Variants in CEP128 observed in about 807,000 individuals in gnomAD.
CEP128 encodes centrosomal protein 128kDa.
CEP128 carries 132 observed loss-of-function variants against 156.7 expected under a neutral mutation model. That is an observed-to-expected ratio of 0.84 (90% confidence interval 0.73 to 0.97). CEP128 has a LOEUF of 0.97. Among genes scored for constraint, CEP128 ranks in the 50% least tolerant of loss-of-function variants. The pLI is 0.00. For missense variants in CEP128, 1,252 were observed against 1,281.9 expected, an observed-to-expected ratio of 0.98 and a Z score of 0.36; for synonymous variants, 469 against 448.9, an observed-to-expected ratio of 1.04 and a Z score of -0.57.
At chr14:80,486,499 GA>G (rs1887168623), downstream of CEP128, among the ~76,000 whole-genome samples, 1 of 151,680 alleles carries the variant, frequency 6.6e-6, no homozygotes, top group Non-Finnish European at 1.5e-5. Flanking sequence ...CCAACATTCA[GA>G]TTCAGGAAAT....
chr14:80,562,661 T>TC (rs1448432727), intron 20 of CEP128, among the ~76,000 whole-genome samples: 7 of 145,356 alleles, frequency 4.8e-5, no homozygotes, highest in Non-Finnish European at 1.1e-4. Context: ...TTTTCTTTTT[T>TC]TTTTTTTTTT....
downstream of CEP128, among the ~76,000 whole-genome samples, chr14:80,495,278 T>A (rs924009777): frequency 6.6e-6 from 1 of 152,148 alleles, no homozygotes; most frequent in Non-Finnish European, 1.5e-5. Context: ...ATCAAGCTAT[T>A]AATGTTTCCT....
chr14:80,954,281 A>AG (rs1008434271), intron 2 of CEP128, among the ~76,000 whole-genome samples: 3 of 152,134 alleles, frequency 2.0e-5, no homozygotes, highest in African/African-American at 7.2e-5. Flanking sequence ...AAAGAAAAAA[A>AG]AAAAGAAAAG....
chr14:80,771,509 A>G (rs1900508435), intron 16 of CEP128, among the ~76,000 whole-genome samples: 1 of 152,220 alleles, frequency 6.6e-6, no homozygotes, highest in Non-Finnish European at 1.5e-5. Flanking sequence ...TTTATCCAAC[A>G]TAATGACAGC....
intron 8 of CEP128, among the ~76,000 whole-genome samples, chr14:80,880,592 T>C (rs1473351922): frequency 6.6e-6 from 1 of 151,680 alleles, no homozygotes; most frequent in Non-Finnish European, 1.5e-5. Flanking sequence ...ACAAAAAAAC[T>C]ATTAAAAATA....
chr14:80,955,640 G>T (rs773554052), intron 2 of CEP128: 62 of 1,611,910 alleles, frequency 3.8e-5, no homozygotes, highest in Admixed American at 6.7e-5. Flanking sequence ...AGAATGAGGC[G>T]ATTTCGGAGG....
In CEP128 at chr14:80,768,235, C is replaced by T. The variant is rs139271737; in HGVS notation, c.2377-6622G>A. 4.1e-4 allele frequency among the ~76,000 whole-genome samples: 62 copies of T among 152,276 alleles called. No homozygotes were observed. The East Asian group carries it at 0.011, about 28-fold the overall frequency. Reference sequence around the variant, plus strand: ...AATTATTTAATTCATTGAGGACAATCACCTTGTCAGTGGCGAGGCTATTGT... The same window carrying T: ...AATTATTTAATTCATTGAGGACAATTACCTTGTCAGTGGCGAGGCTATTGT... On this transcript the variant is annotated intron_variant, in intron 16 of 24. Coordinates refer to ENST00000555265, the MANE Select transcript of CEP128 (RefSeq NM_152446.5).
chr14:80,537,669 C>CA (rs756685458), intron 21 of CEP128, among the ~76,000 whole-genome samples: 25 of 151,958 alleles, frequency 1.6e-4, no homozygotes, highest in East Asian at 5.8e-4. Flanking sequence ...AGAGCGTTTG[C>CA]AAAAAAACAA....
chr14:80,508,894 G>A (rs1203359800), intron 23 of CEP128, among the ~76,000 whole-genome samples: 2 of 152,140 alleles, frequency 1.3e-5, no homozygotes, highest in African/African-American at 4.8e-5. Flanking sequence ...AAGAACTACT[G>A]GAGACTGGGT....
chr14:80,934,631 G>A (rs142526708), intron 2 of CEP128, among the ~76,000 whole-genome samples: 36 of 152,198 alleles, frequency 2.4e-4, no homozygotes, highest in African/African-American at 7.0e-4. Flanking sequence ...CTGAGTGTCC[G>A]GCACATTCAA....
intron 19 of CEP128, among the ~76,000 whole-genome samples, chr14:80,727,485 G>A (rs2630271): frequency 0.51 from 77,541 of 151,746 alleles, 20,110 homozygotes; most frequent in East Asian, 0.72. Flanking sequence ...ATTACATGAG[G>A]AAGTCTCCAA....
chr14:80,699,681 C>T (rs1227971607), intron 19 of CEP128, among the ~76,000 whole-genome samples: 3 of 152,236 alleles, frequency 2.0e-5, no homozygotes, highest in South Asian at 2.1e-4. Flanking sequence ...CCTGAACAAA[C>T]GTTTATTTCT....
At chr14:80,876,611 A>T (rs568761974) in intron 8 of CEP128, among the ~76,000 whole-genome samples, 63 of 151,524 alleles carry the variant, frequency 4.2e-4, no homozygotes, top group African/African-American at 1.5e-3. Flanking sequence ...AAAAAAAAAA[A>T]GCATCAATAA....
chr14:80,823,354 G>A (rs186711028), intron 13 of CEP128, among the ~76,000 whole-genome samples: 8 of 152,250 alleles, frequency 5.3e-5, no homozygotes, highest in Middle Eastern at 3.4e-3. Context: ...AGTCAGGGTC[G>A]GCTTGTGAAA....
At chr14:80,738,375 A>C (rs1008371875) in intron 19 of CEP128, among the ~76,000 whole-genome samples, 2 of 152,216 alleles carry the variant, frequency 1.3e-5, no homozygotes, top group African/African-American at 4.8e-5. Context: ...AAGCAGAAAA[A>C]CCAGCTGAAA....
At chr14:80,652,560 C>T (rs141302513) in intron 19 of CEP128, among the ~76,000 whole-genome samples, 8,069 of 152,092 alleles carry the variant, frequency 0.053, 683 homozygotes, top group African/African-American at 0.18. Flanking sequence ...CAAAAGAAGA[C>T]GTTTATGCAG....
rs551752996 is a variant in CEP128 at position 80,791,474 on chromosome 14, C to A, written c.1560+1286G>T. On this transcript the variant is annotated intron_variant, in intron 14 of 24. Transcript: ENST00000555265. Reference sequence around the variant, plus strand: ...TATGATAACATGGACCCTTCTAAATCTCTTCTAATTAAGTAAAACCTCCAG... The same window carrying A: ...TATGATAACATGGACCCTTCTAAATATCTTCTAATTAAGTAAAACCTCCAG... 8.5e-5 allele frequency among the ~76,000 whole-genome samples: 13 copies of A among 152,314 alleles called. No individual in the cohort carries two copies. The East Asian group carries it at 2.5e-3, about 29-fold the overall frequency.
At chr14:80,844,145 G>A (rs1411840258) in intron 9 of CEP128, among the ~76,000 whole-genome samples, 1 of 151,570 alleles carries the variant, frequency 6.6e-6, no homozygotes, top group African/African-American at 2.4e-5. Context: ...AGGATTATCT[G>A]TGCCAACAAA....
chr14:80,810,431 A>C (rs1884462037), intron 13 of CEP128, among the ~76,000 whole-genome samples: 1 of 151,976 alleles, frequency 6.6e-6, no homozygotes, highest in South Asian at 2.1e-4. Context: ...GAATGTAATT[A>C]AATTAAATTC....
Sources: gnomAD v4.1 joint callset for allele counts (sites outside exome capture counted in the v4.1 genomes callset) on GRCh38, gnomAD v4.1.1 for gene constraint, MANE v1.5 for transcripts, NCBI Gene and HGNC (gene_info 2026-07-23, HGNC 2026-07-21) for gene names.